Variants in DOCK5 observed in about 807,000 individuals in gnomAD.
The protein encoded by DOCK5 is dedicator of cytokinesis protein 5.
In DOCK5, 142 loss-of-function variants were observed where a neutral mutation model predicts 251.8. The observed-to-expected ratio is 0.56, with a 90% CI of 0.49 to 0.65. The LOEUF is 0.65. Among genes scored for constraint, DOCK5 ranks in the 30% least tolerant of loss-of-function variants. DOCK5 has a pLI of 0.00. For missense variants in DOCK5, 2,111 were observed against 2,312.3 expected (o/e 0.91, Z 1.79); for synonymous variants, 842 against 835.5 (o/e 1.01, Z -0.13).
intron 14 of DOCK5, among the ~76,000 whole-genome samples, chr8:25,319,292 T>A (rs1805356506): frequency 6.6e-6 from 1 of 152,128 alleles, no homozygotes; most frequent in Non-Finnish European, 1.5e-5. Context: ...CAGAGGAGAA[T>A]GCATGCCTGG....
chr8:25,377,583 T>A (rs1586377019), intron 38 of DOCK5, among the ~76,000 whole-genome samples, 159 bp downstream of exon 38: 1 of 152,180 alleles, frequency 6.6e-6, no homozygotes, highest in Non-Finnish European at 1.5e-5. Context: ...ATCTTCAAAT[T>A]TGGGGGTCCC....
chr8:25,369,165 A>G (rs1416791596), intron 33 of DOCK5, among the ~76,000 whole-genome samples: 1 of 152,226 alleles, frequency 6.6e-6, no homozygotes, highest in Non-Finnish European at 1.5e-5. Flanking sequence ...TTTCTTATCT[A>G]CAAAGTGTAT....
intron 45 of DOCK5, among the ~76,000 whole-genome samples, chr8:25,398,535 C>T (rs1194844000): frequency 6.6e-6 from 1 of 152,180 alleles, no homozygotes; most frequent in Non-Finnish European, 1.5e-5. Flanking sequence ...AGTCTGAAAT[C>T]AAGGTGTCAC....
At chr8:25,213,338 C>G (rs1021799569) in intron 1 of DOCK5, among the ~76,000 whole-genome samples, 11 of 148,838 alleles carry the variant, frequency 7.4e-5, no homozygotes, top group East Asian at 2.0e-4. Flanking sequence ...AAGTCAGGAG[C>G]CTCCTGAAAA....
intron 5 of DOCK5, among the ~76,000 whole-genome samples, chr8:25,289,304 T>TTTTGTTTG (rs75671599): frequency 3.3e-5 from 5 of 151,390 alleles, no homozygotes; most frequent in Non-Finnish European, 7.4e-5. Context: ...TTGGGGGGTT[T>TTTTGTTTG]TTTGTTTGTT....
intron 26 of DOCK5, among the ~76,000 whole-genome samples, chr8:25,347,564 A>G (rs1800392366): frequency 6.6e-6 from 1 of 152,216 alleles, no homozygotes; most frequent in African/African-American, 2.4e-5. Flanking sequence ...TAACTCTTAT[A>G]ATTCAATAAT....
Position 25,275,381 on chromosome 8 carries a change from T to C in DOCK5, c.169-5T>C, listed in dbSNP as rs1177064454. The C allele has an allele frequency of 6.2e-7, 1 of 1,604,662 alleles. No individual in the cohort carries two copies. The highest frequency in any genetic ancestry group is 8.5e-7 in the Non-Finnish European group (1 of 1,177,460). On this transcript the variant is annotated splice_polypyrimidine_tract_variant and splice_region_variant and intron_variant, in intron 3 of 51. Transcript: ENST00000276440. ...GCCATATAACCAAAATTCTTTTCTC[T>C]GTAGGGCATTTTCCCTGAAACATAT...
intron 5 of DOCK5, among the ~76,000 whole-genome samples, chr8:25,290,565 G>A (rs1020307721): frequency 6.6e-6 from 1 of 152,162 alleles, no homozygotes; most frequent in Non-Finnish European, 1.5e-5. Flanking sequence ...TATGTGGATG[G>A]TCTAACAATT....
intron 13 of DOCK5, 101 bp from the exon 14 acceptor site, chr8:25,316,906 C>G: frequency 6.9e-7 from 1 of 1,446,828 alleles, no homozygotes; most frequent in South Asian, 1.3e-5. Context: ...AGTATAAAAC[C>G]AGACCATTTC....
At chr8:25,324,426 C>T (rs1305112640) in intron 17 of DOCK5, among the ~76,000 whole-genome samples, 2 of 152,222 alleles carry the variant, frequency 1.3e-5, no homozygotes, top group African/African-American at 2.4e-5. Context: ...TGCCTTCCAA[C>T]TGATGCTGAG....
intron 24 of DOCK5, 105 bp from the exon 25 acceptor site, chr8:25,342,296 T>C: frequency 1.2e-6 from 1 of 814,916 alleles, no homozygotes. Context: ...GTTTTCCAGG[T>C]AAATCTCTCC....
chr8:25,326,655 A>T (rs1373211274), intron 18 of DOCK5, among the ~76,000 whole-genome samples: 2 of 152,240 alleles, frequency 1.3e-5, no homozygotes, highest in African/African-American at 4.8e-5. Flanking sequence ...TTTATGGAAG[A>T]TAATTTAGAA....
chr8:25,292,247 G>A (rs1488434642), intron 6 of DOCK5, 75 bp downstream of exon 6: 1 of 1,417,202 alleles, frequency 7.1e-7, no homozygotes, highest in African/African-American at 1.4e-5. Context: ...GACACTGTTT[G>A]CAGCGACCTT....
intron 1 of DOCK5, among the ~76,000 whole-genome samples, chr8:25,227,615 A>T (rs1467293749): frequency 1.3e-5 from 2 of 152,162 alleles, no homozygotes; most frequent in Non-Finnish European, 2.9e-5. Context: ...GAACTCTCAG[A>T]TACTTTTTCC....
chr8:25,369,611 A>C lies in DOCK5; in HGVS notation c.3494A>C (p.Asp1165Ala). 1 of 1,611,404 alleles carries C rather than the reference A, an allele frequency of 6.2e-7. No individual in the cohort carries two copies. Among genetic ancestry groups the C allele is most frequent in the Non-Finnish European group, 8.5e-7 (1 of 1,178,794 alleles). ...CAGGAGGTAGAAGGGGGCAGAGGAG[A>C]CGAACAATACAAGGTTCTTCTGGAA... ...LDQEVEGGRG[D>A]EQYKVLLEKL... The change falls in exon 34 of 52, where the codon GAC becomes GCC. Residue 1165 changes from aspartate to alanine, a missense_variant. Asp to Ala is a moderately radical substitution (Grantham distance 126, BLOSUM62 -2). Transcript: ENST00000276440.
chr8:25,270,966 G>A (rs528277526), intron 3 of DOCK5: 23 of 484,356 alleles, frequency 4.7e-5, no homozygotes, highest in South Asian at 8.4e-5. Flanking sequence ...TTATTATACC[G>A]TATTGTTTAG....
At position 25,375,149 on chromosome 8, in the gene DOCK5, G is replaced by C. The variant is rs114083452; in HGVS notation, c.3816+495G>C. Reference sequence around the variant, plus strand: ...TGGATTTACATATAAACTTTGATTGGCCAATATGCAGCTCAAACTGAACAA... The same window carrying C: ...TGGATTTACATATAAACTTTGATTGCCCAATATGCAGCTCAAACTGAACAA... On this transcript the variant is annotated intron_variant, in intron 37 of 51. Coordinates refer to ENST00000276440, the MANE Select transcript of DOCK5 (RefSeq NM_024940.8). 3.8e-3 allele frequency: 1,209 copies of C among 315,322 alleles called. 22 individuals are homozygous for C. The highest frequency in any genetic ancestry group is 0.026 in the African/African-American group (1,151 of 44,074). 19.5% of individuals were successfully genotyped at this position (315,322 alleles called of 1,614,324 possible).
intron 30 of DOCK5, among the ~76,000 whole-genome samples, chr8:25,366,076 T>C (rs1407707952): frequency 6.6e-6 from 1 of 152,240 alleles, no homozygotes. Flanking sequence ...GAATATCATC[T>C]GTTCTATGAC....
At chr8:25,348,249 C>G (rs1464313087) in intron 26 of DOCK5, among the ~76,000 whole-genome samples, 1 of 152,158 alleles carries the variant, frequency 6.6e-6, no homozygotes, top group Admixed American at 6.5e-5. Flanking sequence ...CCCCACAGCT[C>G]TGTTTTGGAA....
Sources: gnomAD v4.1 joint callset for allele counts (sites outside exome capture counted in the v4.1 genomes callset) on GRCh38, gnomAD v4.1.1 for gene constraint, MANE v1.5 for transcripts, NCBI Gene and HGNC (gene_info 2026-07-23, HGNC 2026-07-21) for gene names.